PTPRT: variants seen among roughly 807,000 people sequenced by gnomAD.
The protein encoded by PTPRT is protein tyrosine phosphatase receptor type T, also known as receptor-type tyrosine-protein phosphatase T.
In PTPRT, 56 loss-of-function variants were observed where a neutral mutation model predicts 176.8. The observed-to-expected ratio is 0.32, with a 90% confidence interval of 0.26 to 0.40. The LOEUF (loss-of-function observed/expected upper bound fraction) is 0.40, where lower values mean the gene tolerates loss of function less well. PTPRT is among the 10% of genes least tolerant of loss of function. The pLI is 1.00. For synonymous variants in PTPRT, 783 were observed against 739.0 expected, an observed-to-expected ratio of 1.06 and a Z score of -0.96; for missense variants, 1,540 against 1,908.2, an observed-to-expected ratio of 0.81 and a Z score of 3.60.
At chr20:42,989,704 A>G (rs1254848791) in intron 1 of PTPRT, among the ~76,000 whole-genome samples, 1 of 152,208 alleles carries the variant, frequency 6.6e-6, no homozygotes, top group African/African-American at 2.4e-5. Context: ...CCCTCCCTTG[A>G]CAGCAGAAGA....
rs1244789195 is a variant in PTPRT, at chr20:42,509,471, A to G, written c.1154-36909T>C. ...TATTTAATTTATAGATATAAATTAT[A>G]TAATTTATATTTAATTTATAGATAT... On this transcript the variant is annotated intron_variant, in intron 7 of 30. Transcript: ENST00000373187. Among the ~76,000 whole-genome samples, 210 of 126,702 alleles carry G rather than the reference A, an allele frequency of 1.7e-3. 1 individual carries two copies. Among genetic ancestry groups the G allele is most frequent in the African/African-American group, 5.8e-3 (195 of 33,572 alleles). The allele number at this position is 126,702 out of a possible 152,430, so 83.1% of individuals were successfully genotyped here.
intron 9 of PTPRT, among the ~76,000 whole-genome samples, chr20:42,395,652 T>C (rs1368517539): frequency 1.1e-4 from 17 of 152,170 alleles, no homozygotes; most frequent in Non-Finnish European, 4.4e-5. Flanking sequence ...CCCACAATTC[T>C]TTATAAATTG....
At chr20:42,879,379 A>G (rs1600509735) in intron 2 of PTPRT, among the ~76,000 whole-genome samples, 1 of 152,016 alleles carries the variant, frequency 6.6e-6, no homozygotes, top group South Asian at 2.1e-4. Context: ...CATTGCCCCA[A>G]TCTCCACTGC....
At chr20:42,883,829 C>CCCCACAT (rs1568658668) in intron 2 of PTPRT, among the ~76,000 whole-genome samples, 2 of 15,732 alleles carry the variant, frequency 1.3e-4, no homozygotes, top group African/African-American at 3.5e-4. Flanking sequence ...TGCACACACA[C>CCCCACAT]ACACCCCCAT....
intron 6 of PTPRT, among the ~76,000 whole-genome samples, chr20:42,696,227 ATC>A (rs1474398506): frequency 7.3e-6 from 1 of 137,466 alleles, no homozygotes; most frequent in Non-Finnish European, 1.5e-5. Context: ...CTTTCCCCTG[ATC>A]TCTTTTTTCC....
intron 1 of PTPRT, among the ~76,000 whole-genome samples, chr20:43,017,896 C>T (rs1339332672): frequency 6.6e-6 from 1 of 152,220 alleles, no homozygotes; most frequent in Non-Finnish European, 1.5e-5. Context: ...GGAGGTGCTG[C>T]AGTTGGGAGG....
At chr20:42,109,826 GTGAC>G (rs537755906) in intron 23 of PTPRT, among the ~76,000 whole-genome samples, 135 of 152,278 alleles carry the variant, frequency 8.9e-4, no homozygotes, top group Middle Eastern at 6.8e-3. Flanking sequence ...TGCCTCCCTG[GTGAC>G]TGACTTCTTC....
chr20:42,200,631 T>C (rs1286349877), intron 15 of PTPRT, among the ~76,000 whole-genome samples: 1 of 152,226 alleles, frequency 6.6e-6, no homozygotes, highest in Non-Finnish European at 1.5e-5. Context: ...GATATATCAT[T>C]AGAGATACAA....
At chr20:43,157,267 G>C (rs2014550539) in intron 1 of PTPRT, among the ~76,000 whole-genome samples, 1 of 152,042 alleles carries the variant, frequency 6.6e-6, no homozygotes, top group African/African-American at 2.4e-5. Context: ...AGGGGGTGGA[G>C]GCAGGAGGAT....
intron 16 of PTPRT, among the ~76,000 whole-genome samples, chr20:42,189,107 C>T (rs1359019898): frequency 6.6e-6 from 1 of 151,748 alleles, no homozygotes; most frequent in Non-Finnish European, 1.5e-5. Flanking sequence ...AAGGAGGCTC[C>T]AGCTACCATT....
intron 7 of PTPRT, among the ~76,000 whole-genome samples, chr20:42,659,206 C>CA (rs1181065980): frequency 9.2e-5 from 14 of 151,916 alleles, no homozygotes; most frequent in South Asian, 4.2e-4. Context: ...CTCTAACTCT[C>CA]AAAAAAAACA....
chr20:42,253,555 G>T (rs2056584569), intron 13 of PTPRT, among the ~76,000 whole-genome samples: 1 of 152,136 alleles, frequency 6.6e-6, no homozygotes, highest in South Asian at 2.1e-4. Context: ...AAGGAGGAGG[G>T]ATTTGGGTGC....
chr20:42,322,607 G>T (rs1278266694), intron 11 of PTPRT, among the ~76,000 whole-genome samples: 1 of 149,018 alleles, frequency 6.7e-6, no homozygotes, highest in African/African-American at 2.5e-5. Context: ...ACAAAAATCA[G>T]TTCAAGATGG....
chr20:42,623,018 G>T (rs1203146434), intron 7 of PTPRT, among the ~76,000 whole-genome samples: 1 of 152,150 alleles, frequency 6.6e-6, no homozygotes, highest in Non-Finnish European at 1.5e-5. Flanking sequence ...TGGCAAAATG[G>T]GGCAGCAGAG....
chr20:42,742,845 G>A (rs186044984), intron 6 of PTPRT, among the ~76,000 whole-genome samples: 1 of 152,286 alleles, frequency 6.6e-6, no homozygotes, highest in African/African-American at 2.4e-5. Context: ...CTGAGGCTCA[G>A]TCACGTGCAG....
At chr20:42,239,525 C>CCATTCTCCTGCCT (rs2146874097) in intron 14 of PTPRT, among the ~76,000 whole-genome samples, 1 of 151,368 alleles carries the variant, frequency 6.6e-6, no homozygotes, top group African/African-American at 2.4e-5. Flanking sequence ...CGGGTCCACG[C>CCATTCTCCTGCCT]CATTCTCCTG....
chr20:42,989,092 A>G (rs2146103181), intron 1 of PTPRT, among the ~76,000 whole-genome samples: 1 of 152,378 alleles, frequency 6.6e-6, no homozygotes, highest in East Asian at 1.9e-4. Context: ...GGCAAATGCC[A>G]TCAGATTGGC....
chr20:42,065,174 G>A, the PTPRT span, among the ~76,000 whole-genome samples: 75,488 of 152,126 alleles, frequency 0.5, 20,761 homozygotes, highest in African/African-American at 0.75. Flanking sequence ...AGAGCTGCCA[G>A]ACTGAACCCT....
chr20:42,260,906 G>A (rs1433452923), intron 13 of PTPRT, among the ~76,000 whole-genome samples: 6 of 152,218 alleles, frequency 3.9e-5, no homozygotes, highest in Non-Finnish European at 7.3e-5. Flanking sequence ...GATGGGGTGA[G>A]CCAAAGGGAT....
Sources: gnomAD v4.1 joint callset for allele counts (sites outside exome capture counted in the v4.1 genomes callset) on GRCh38, gnomAD v4.1.1 for gene constraint, MANE v1.5 for transcripts, NCBI Gene and HGNC (gene_info 2026-07-23, HGNC 2026-07-21) for gene names.